NR3C2: variants seen among roughly 807,000 people sequenced by gnomAD.
NR3C2 encodes nuclear receptor subfamily 3 group C member 2.
NR3C2 carries 15 observed loss-of-function variants against 86.4 expected under a neutral mutation model. The observed-to-expected ratio is 0.17, with a 90% confidence interval of 0.12 to 0.27. NR3C2 has a LOEUF of 0.27. Among genes scored for constraint, NR3C2 ranks in the 10% least tolerant of loss-of-function variants. NR3C2 has a pLI of 1.00. For synonymous variants in NR3C2, 458 were observed against 450.5 expected (o/e 1.02, Z -0.21); for missense variants, 960 against 1,195.6 (o/e 0.80, Z 2.91).
intron 6 of NR3C2, among the ~76,000 whole-genome samples, chr4:148,122,639 G>A (rs1732560005): frequency 6.6e-6 from 1 of 152,124 alleles, no homozygotes; most frequent in Non-Finnish European, 1.5e-5. Flanking sequence ...CCTGTTGCTG[G>A]AAGTCAGGGA....
chr4:148,299,838 C>A (rs1164980985), intron 2 of NR3C2, among the ~76,000 whole-genome samples: 1 of 151,932 alleles, frequency 6.6e-6, no homozygotes, highest in East Asian at 1.9e-4. Flanking sequence ...TTTTTCTTTT[C>A]TCCACTGGGT....
rs372237997 is a variant in NR3C2 at position 148,182,201 on chromosome 4, T to G, written c.2014+12545A>C. On this transcript the variant is annotated intron_variant, in intron 4 of 8. Coordinates refer to ENST00000358102, the MANE Select transcript of NR3C2 (RefSeq NM_000901.5). ...AACAGCGGTGAGATCGAGACATGCA[T>G]AAAAGGGTTTTAATTCATGTTTTTA... Among the ~76,000 whole-genome samples the G allele has an allele frequency of 1.6e-4, 24 of 152,340 alleles. No individual in the cohort carries two copies. The South Asian group carries it at 3.1e-3, about 20-fold the overall frequency.
chr4:148,164,750 T>C (rs1176863940), intron 4 of NR3C2, among the ~76,000 whole-genome samples: 1 of 152,222 alleles, frequency 6.6e-6, no homozygotes, highest in Non-Finnish European at 1.5e-5. Context: ...TCATTAAGAA[T>C]GTTTTATGAA....
chr4:148,251,551 T>C (rs1170527909), intron 3 of NR3C2, among the ~76,000 whole-genome samples: 1 of 152,172 alleles, frequency 6.6e-6, no homozygotes, highest in East Asian at 1.9e-4. Context: ...GGAGAGCTAG[T>C]AGCATTCAGC....
At chr4:148,232,257 G>GT (rs2149838552) in intron 3 of NR3C2, among the ~76,000 whole-genome samples, 1 of 152,318 alleles carries the variant, frequency 6.6e-6, no homozygotes, top group African/African-American at 2.4e-5. Flanking sequence ...CTTATAAAAT[G>GT]TATTTCTTAA....
intron 8 of NR3C2, among the ~76,000 whole-genome samples, chr4:148,083,414 CCTCCAGCAAA>C (rs1730669917): frequency 6.6e-6 from 1 of 152,176 alleles, no homozygotes; most frequent in Admixed American, 6.5e-5. Flanking sequence ...CTGGAGTGGA[CCTCCAGCAAA>C]CTCCAGCAGA....
At chr4:148,423,711 T>C (rs1749392688) in intron 2 of NR3C2, among the ~76,000 whole-genome samples, 1 of 152,158 alleles carries the variant, frequency 6.6e-6, no homozygotes, top group Non-Finnish European at 1.5e-5. Flanking sequence ...TTGCCTATTA[T>C]TATTATTATT....
intron 8 of NR3C2, among the ~76,000 whole-genome samples, chr4:148,104,342 G>GGTTTGGTT (rs1731686588): frequency 0.016 from 1,049 of 63,806 alleles, 29 homozygotes; most frequent in African/African-American, 0.038. Flanking sequence ...TTTTGGTTTG[G>GGTTTGGTT]TTTTTTTTTT....
intron 3 of NR3C2, among the ~76,000 whole-genome samples, chr4:148,235,647 C>CT (rs1233998050): frequency 8.5e-5 from 13 of 152,128 alleles, no homozygotes; most frequent in African/African-American, 3.1e-4. Flanking sequence ...GGTGTACAGT[C>CT]TATTGATTTT....
intron 2 of NR3C2, among the ~76,000 whole-genome samples, chr4:148,297,768 A>T (rs1168164308): frequency 6.6e-6 from 1 of 152,188 alleles, no homozygotes; most frequent in Non-Finnish European, 1.5e-5. Flanking sequence ...GCATGTCTGT[A>T]ATACCAGCTA....
chr4:148,224,181 C>CA (rs1738018401), intron 3 of NR3C2, among the ~76,000 whole-genome samples: 1 of 150,890 alleles, frequency 6.6e-6, no homozygotes, highest in Non-Finnish European at 1.5e-5. Context: ...GCATAGACAA[C>CA]ATGCAAATCC....
At chr4:148,401,915 T>A (rs1016581568) in intron 2 of NR3C2, among the ~76,000 whole-genome samples, 3 of 152,184 alleles carry the variant, frequency 2.0e-5, no homozygotes, top group African/African-American at 7.2e-5. Context: ...CAGCTTTTCA[T>A]GAGTCAAAAC....
chr4:148,261,323 T>C (rs1224795826), intron 2 of NR3C2, among the ~76,000 whole-genome samples: 1 of 151,456 alleles, frequency 6.6e-6, no homozygotes, highest in African/African-American at 2.4e-5. Context: ...GTAAGCGCTA[T>C]GGTGCGCTAT....
intron 3 of NR3C2, among the ~76,000 whole-genome samples, chr4:148,246,990 C>T (rs1030793709): frequency 7.2e-5 from 11 of 152,130 alleles, no homozygotes; most frequent in African/African-American, 2.7e-4. Context: ...ATTAGCATTA[C>T]TTTTATTACT....
chr4:148,301,003 C>T (rs1429029018), intron 2 of NR3C2, among the ~76,000 whole-genome samples: 1 of 152,116 alleles, frequency 6.6e-6, no homozygotes, highest in African/African-American at 2.4e-5. Flanking sequence ...CATGGAGCCC[C>T]AGAAATTACA....
At chr4:148,240,900 G>A (rs953287323) in intron 3 of NR3C2, among the ~76,000 whole-genome samples, 2 of 152,158 alleles carry the variant, frequency 1.3e-5, no homozygotes, top group African/African-American at 4.8e-5. Context: ...ACGGGCCTTT[G>A]TAATCTTTCT....
intron 6 of NR3C2, among the ~76,000 whole-genome samples, chr4:148,136,031 T>C (rs1181424011): frequency 5.4e-5 from 5 of 93,168 alleles, no homozygotes; most frequent in Middle Eastern, 7.4e-3. Flanking sequence ...CACTCCAGCC[T>C]GGGCGACAGA....
intron 3 of NR3C2, among the ~76,000 whole-genome samples, chr4:148,238,158 C>T (rs1321898413): frequency 6.6e-6 from 1 of 152,138 alleles, no homozygotes; most frequent in African/African-American, 2.4e-5. Flanking sequence ...AAGCCCTCAG[C>T]AGGAAAGACT....
intron 2 of NR3C2, among the ~76,000 whole-genome samples, chr4:148,295,702 C>A (rs1742014852): frequency 6.6e-6 from 1 of 151,624 alleles, no homozygotes; most frequent in Non-Finnish European, 1.5e-5. Context: ...CACATGTCTA[C>A]TGCCTCCCAT....
Sources: allele counts gnomAD v4.1 joint callset (sites outside exome capture counted in the v4.1 genomes callset), GRCh38; gene constraint gnomAD v4.1.1; transcripts MANE v1.5; gene names NCBI Gene and HGNC (gene_info 2026-07-23, HGNC 2026-07-21).